Variants in RAPSN observed in about 807,000 individuals in gnomAD.
The protein encoded by RAPSN is 43 kDa receptor-associated protein of the synapse.
A neutral mutation model predicts 45.7 loss-of-function variants in RAPSN; 33 were observed. The ratio of observed to expected loss-of-function variants is 0.72; its 90% CI spans 0.55 to 0.97. RAPSN has a LOEUF of 0.97. RAPSN is among the 50% of genes least tolerant of loss of function. RAPSN has a pLI of 0.00. For synonymous variants in RAPSN, 244 were observed against 233.6 expected (o/e 1.04, Z -0.40); for missense variants, 519 against 559.4 (o/e 0.93, Z 0.73).
At chr11:47,441,967 A>T (rs1422613718) in intron 3 of RAPSN, 46 bp from the exon 4 acceptor site, 3 of 1,527,058 alleles carry the variant, frequency 2.0e-6, no homozygotes. Context: ...TGCCACCACC[A>T]CTGGAGTGCC....
chr11:47,438,003 C>T lies in RAPSN; in HGVS notation c.1211G>A (p.Arg404His), dbSNP rs528442857. The T allele has an allele frequency of 1.4e-5, 22 of 1,550,328 alleles. No individual in the cohort carries two copies. Among genetic ancestry groups the T allele is most frequent in the Admixed American group, 2.0e-5 (1 of 50,982 alleles). Residue 404 changes from arginine (R) to histidine (H), a missense_variant, in exon 8 of 8, where the codon CGC becomes CAC. By Grantham distance (29) the Arg-to-His change is conservative (BLOSUM62 0). Coordinates refer to ENST00000298854, the MANE Select transcript of RAPSN (RefSeq NM_005055.5). ...NGTRSCPNCRRSSMKPGFV is the reference protein window; with the variant it reads ...NGTRSCPNCRHSSMKPGFV Reference sequence around the variant, plus strand: ...TACAAAGCCAGGCTTCATGGATGAGCGGCGGCAGTTGGGACAGCTCCGGGT... The same window carrying T: ...TACAAAGCCAGGCTTCATGGATGAGTGGCGGCAGTTGGGACAGCTCCGGGT...
intron 2 of RAPSN, among the ~76,000 whole-genome samples, chr11:47,445,436 A>G: frequency 6.7e-6 from 1 of 149,986 alleles, no homozygotes; most frequent in Non-Finnish European, 1.5e-5. Context: ...CTCTACTAAA[A>G]ATACAGAAAA....
At chr11:47,442,951 G>C in intron 2 of RAPSN, 137 bp from the exon 3 acceptor site, 2 of 1,417,028 alleles carry the variant, frequency 1.4e-6, no homozygotes. Flanking sequence ...GTGACATCCA[G>C]GACAAGAGTG....
At position 47,442,722 on chromosome 11, in the gene RAPSN, G is replaced by C. The variant is rs2076375159; in HGVS notation, c.624C>G (p.Ser208Arg). The change falls in exon 3 of 8, where the codon AGC (serine) becomes AGG (arginine). Residue 208 changes from serine (S) to arginine (R), a missense_variant. By Grantham distance (110) the Ser-to-Arg change is moderately radical. Transcript: ENST00000298854. ...GATAGGCCACGGCCATGTGGTACTG[G>C]CTCATGGCCCGGTACTTCAGGCTCC... Reference protein sequence around the residue: ...KGWSLKYRAMSQYHMAVAYRL... With the variant: ...KGWSLKYRAMRQYHMAVAYRL... 3 of 1,614,146 alleles carry C rather than the reference G, an allele frequency of 1.9e-6. No homozygotes were observed. The South Asian group carries it at 3.3e-5, about 18-fold the overall frequency.
Position 47,448,824 on chromosome 11 carries a change from G to C in RAPSN, c.141C>G (p.Gly47=). Residue 47 remains glycine (G), a synonymous_variant, in exon 1 of 8, where the codon GGC becomes GGG. Coordinates refer to ENST00000298854, the MANE Select transcript of RAPSN (RefSeq NM_005055.5). ...SDLMGRFRVL[G]CLVTAHSEMG... ...TCTCCGAGTGGGCTGTGACCAGGCA[G>C]CCCAGCACGCGGAAGCGCCCCATGA... 1 of 1,613,660 alleles carries C rather than the reference G, an allele frequency of 6.2e-7. No individual in the cohort carries two copies. Among genetic ancestry groups the C allele is most frequent in the South Asian group, 1.1e-5 (1 of 91,086 alleles).
chr11:47,440,500 C>G (rs2076353806), intron 6 of RAPSN, among the ~76,000 whole-genome samples: 1 of 152,172 alleles, frequency 6.6e-6, no homozygotes. Context: ...GTAATCCCAG[C>G]ACTTTGGGAG....
At chr11:47,443,834 G>GT (rs1391085895) in intron 2 of RAPSN, among the ~76,000 whole-genome samples, 1 of 148,976 alleles carries the variant, frequency 6.7e-6, no homozygotes, top group Non-Finnish European at 1.5e-5. Flanking sequence ...AGAGGCTGAG[G>GT]TGGGAGAATC....
At chr11:47,440,809 C>T (rs1444142579) in intron 6 of RAPSN, among the ~76,000 whole-genome samples, 1 of 152,002 alleles carries the variant, frequency 6.6e-6, no homozygotes, top group East Asian at 1.9e-4. Flanking sequence ...ATTATGTAGC[C>T]CAGGCTGCTC....
rs900531456 is a variant in RAPSN, at chr11:47,445,178, C to T, written c.532-2364G>A. ...CCCGGGAGGCGGAGGGTGCAGTGACCGAGATCGTGCCACTGCACTCCAGCC... is the reference window on the plus strand; with the variant it reads ...CCCGGGAGGCGGAGGGTGCAGTGACTGAGATCGTGCCACTGCACTCCAGCC... On this transcript the variant is annotated intron_variant, in intron 2 of 7. Transcript: ENST00000298854. Among the ~76,000 whole-genome samples, 13 of 151,274 alleles carry T rather than the reference C, an allele frequency of 8.6e-5. No homozygotes were observed. In the South Asian group the frequency reaches 1.7e-3, roughly 19 times the overall value.
Position 47,448,783 on chromosome 11 carries a change from T to C in RAPSN, c.182A>G (p.Glu61Gly). The change falls in exon 1 of 8, where the codon GAG (glutamate) becomes GGG (glycine). Residue 61 changes from glutamate to glycine, a missense_variant. Glu to Gly is a moderately conservative substitution (Grantham distance 98, BLOSUM62 -2). Transcript: ENST00000298854. The stretch of plus-strand genomic sequence containing the variant: ...GCCGGGTACACCCACCTTCAGCATC[T>C]CCTTGTAGCGGCCCATCTCCGAGTG... ...TAHSEMGRYKEMLKFAVVQID... is the reference protein window; with the variant it reads ...TAHSEMGRYKGMLKFAVVQID... 1 of 1,610,588 alleles carries C rather than the reference T, an allele frequency of 6.2e-7. No homozygotes were observed. The highest frequency in any genetic ancestry group is 1.1e-5 in the South Asian group (1 of 91,084).
rs766845970 is a variant in RAPSN at position 47,442,697 on chromosome 11, G to A, written c.649C>T (p.Arg217Cys). The change falls in exon 3 of 8, where the codon CGC becomes TGC. Residue 217 changes from arginine (R) to cysteine (C), a missense_variant. Transcript: ENST00000298854. The stretch of plus-strand genomic sequence containing the variant: ...GCACTGCCCAGGCGGCCCAGCAGGC[G>A]ATAGGCCACGGCCATGTGGTACTGG... ...MSQYHMAVAY[R>C]LLGRLGSAME... 80 of 1,614,102 alleles carry A rather than the reference G, an allele frequency of 5.0e-5. No homozygotes were observed. Among genetic ancestry groups the A allele is most frequent in the South Asian group, 2.3e-4 (21 of 91,088 alleles).
In RAPSN at chr11:47,437,994, A is replaced by C. The variant is rs1332749257; in HGVS notation, c.1220T>G (p.Met407Arg). ...CAGGAGTCATACAAAGCCAGGCTTC[A>C]TGGATGAGCGGCGGCAGTTGGGACA... Reference protein sequence around the residue: ...RSCPNCRRSSMKPGFV With the variant: ...RSCPNCRRSSRKPGFV The change falls in exon 8 of 8, where the codon ATG (methionine) becomes AGG (arginine). Residue 407 changes from methionine to arginine, a missense_variant. Physicochemically the swap from Met to Arg is moderately conservative, Grantham distance 91 (BLOSUM62 -1). Coordinates refer to ENST00000298854, the MANE Select transcript of RAPSN (RefSeq NM_005055.5). 6.4e-7 allele frequency: 1 copy of C among 1,550,680 alleles called. No homozygotes were observed. Among genetic ancestry groups the C allele is most frequent in the Non-Finnish European group, 8.7e-7 (1 of 1,146,980 alleles).
intron 2 of RAPSN, among the ~76,000 whole-genome samples, chr11:47,446,062 G>C (rs573260168): frequency 4.0e-5 from 6 of 151,702 alleles, no homozygotes; most frequent in Non-Finnish European, 7.4e-5. Context: ...CTGAGTAGCT[G>C]AAACAATAGG....
rs767507908 is a variant in RAPSN, at chr11:47,448,072, G to A, written c.271C>T (p.Arg91Cys). Residue 91 changes from arginine to cysteine, a missense_variant, in exon 2 of 8, where the codon CGC (arginine) becomes TGC (cysteine). By Grantham distance (180) the Arg-to-Cys change is radical (BLOSUM62 -3). Transcript: ENST00000298854. Reference protein sequence around the residue: ...FLLESYLNLARSNEKLCEFHK... With the variant: ...FLLESYLNLACSNEKLCEFHK... ...AACTCGCACAGCTTCTCGTTGCTGC[G>A]TGCCAGGTTCAGGTAGCTCTCCAGG... The A allele has an allele frequency of 6.2e-6, 10 of 1,613,882 alleles. No homozygotes were observed. Among genetic ancestry groups the A allele is most frequent in the African/African-American group, 1.3e-5 (1 of 74,902 alleles).
chr11:47,441,257 C>T, intron 5 of RAPSN, 45 bp from the exon 6 acceptor site: 1 of 1,609,612 alleles, frequency 6.2e-7, no homozygotes, highest in Non-Finnish European at 8.5e-7. Context: ...AGCTGTCTGA[C>T]AGGCCTTGCT....
intron 5 of RAPSN, 88 bp from the exon 6 acceptor site, chr11:47,441,300 A>G (rs1298788968): frequency 5.9e-6 from 9 of 1,533,546 alleles, no homozygotes; most frequent in Non-Finnish European, 7.1e-6. Context: ...GGGCAGGCCT[A>G]GGGAGGGTGA....
rs752816353 is a variant in RAPSN, at chr11:47,441,748, G to T, written c.790-15C>A. 2 of 1,605,764 alleles carry T rather than the reference G, an allele frequency of 1.2e-6. No individual in the cohort carries two copies. The highest frequency in any genetic ancestry group is 1.7e-5 in the Admixed American group (1 of 59,980). ...GGGAAGGCTGTCTGCAGAGCCAGGTGGGGGATGGAATCAGGCTGTATCAGG... is the reference window on the plus strand; with the variant it reads ...GGGAAGGCTGTCTGCAGAGCCAGGTTGGGGATGGAATCAGGCTGTATCAGG... On this transcript the variant is annotated splice_polypyrimidine_tract_variant and intron_variant, in intron 4 of 7. Transcript: ENST00000298854.
chr11:47,438,792 G>C lies in RAPSN; in HGVS notation c.1106C>G (p.Ser369Cys). The change falls in exon 7 of 8, where the codon TCC becomes TGC. Residue 369 changes from serine to cysteine, a missense_variant. By Grantham distance (112) the Ser-to-Cys change is moderately radical (BLOSUM62 -1). Transcript: ENST00000298854. ...CAGCCGGCTGTTCTTCTCGCCTATG[G>C]ACTCGCCGCACAGGCCGCAGTAGAG... Reference protein sequence around the residue: ...TELYCGLCGESIGEKNSRLQA... With the variant: ...TELYCGLCGECIGEKNSRLQA... The C allele has an allele frequency of 6.4e-7, 1 of 1,572,278 alleles. No individual in the cohort carries two copies.
Position 47,441,602 on chromosome 11 carries a change from C to T in RAPSN, c.912+9G>A, listed in dbSNP as rs751790521. On this transcript the variant is annotated intron_variant, in intron 5 of 7. Transcript: ENST00000298854. ...AGGGCTGGAGGCTGTGGGAAAGGCC[C>T]GACCTCACCTTGTCCAGCGCCTTCC... 4.6e-5 allele frequency: 73 copies of T among 1,604,114 alleles called. No individual in the cohort carries two copies. The highest frequency in any genetic ancestry group is 6.7e-5 in the Admixed American group (4 of 59,856).
Sources: gnomAD v4.1 joint callset for allele counts (sites outside exome capture counted in the v4.1 genomes callset) on GRCh38, gnomAD v4.1.1 for gene constraint, MANE v1.5 for transcripts, NCBI Gene and HGNC (gene_info 2026-07-23, HGNC 2026-07-21) for gene names.